MYO10: variants seen among roughly 807,000 people sequenced by gnomAD.
The protein encoded by MYO10 is myosin X, also known as unconventional myosin-X.
Under a neutral mutation model 257.3 loss-of-function variants are expected in MYO10, and 133 were observed. That is an observed-to-expected ratio of 0.52 (90% confidence interval 0.45 to 0.60). The LOEUF (loss-of-function observed/expected upper bound fraction) is 0.60, where lower values mean the gene tolerates loss of function less well. Ranked by LOEUF, MYO10 falls within the 20% of genes least tolerant of loss-of-function variation. MYO10 has a pLI of 0.00. For missense variants in MYO10, 2,399 were observed against 2,635.7 expected (o/e 0.91, Z 1.97); for synonymous variants, 1,104 against 1,028.6 (o/e 1.07, Z -1.40).
intron 16 of MYO10, 110 bp from the exon 17 acceptor site, chr5:16,761,656 A>G: frequency 1.2e-6 from 1 of 851,226 alleles, no homozygotes; most frequent in Non-Finnish European, 1.9e-6. Flanking sequence ...AAATTTATTT[A>G]TTTATTTTTT....
intron 2 of MYO10, among the ~76,000 whole-genome samples, chr5:16,834,762 A>C (rs1743261874): frequency 1.3e-5 from 2 of 152,258 alleles, no homozygotes; most frequent in Non-Finnish European, 2.9e-5. Flanking sequence ...ATTCAAACCA[A>C]ATATGAATAC....
At chr5:16,766,989 T>C (rs1383422978) in intron 10 of MYO10, among the ~76,000 whole-genome samples, 2 of 151,616 alleles carry the variant, frequency 1.3e-5, no homozygotes, top group South Asian at 2.1e-4. Flanking sequence ...CCTCCCAAAA[T>C]GTTGGGATTA....
intron 19 of MYO10, among the ~76,000 whole-genome samples, chr5:16,745,430 A>C (rs1397009657): frequency 1.3e-5 from 2 of 152,222 alleles, no homozygotes; most frequent in African/African-American, 4.8e-5. Context: ...TCACATCTGT[A>C]ATCCCAGCAC....
chr5:16,830,574 T>C (rs1325174250), intron 2 of MYO10, among the ~76,000 whole-genome samples: 2 of 152,138 alleles, frequency 1.3e-5, no homozygotes, highest in East Asian at 3.9e-4. Flanking sequence ...AAACAATCAC[T>C]GTATAAAAAT....
chr5:16,718,134 T>C (rs1718512397), intron 19 of MYO10, among the ~76,000 whole-genome samples: 3 of 152,326 alleles, frequency 2.0e-5, no homozygotes, highest in Middle Eastern at 3.4e-3. Context: ...CCCCAGGCAG[T>C]GCCAGCCCAC....
chr5:16,672,420 AAG>A (rs869063256), intron 37 of MYO10, among the ~76,000 whole-genome samples: 1 of 74,824 alleles, frequency 1.3e-5, no homozygotes, highest in Non-Finnish European at 3.4e-5. Flanking sequence ...CTAAAAAATC[AAG>A]AAATACCCAG....
At chr5:16,741,718 G>A (rs1278029515) in intron 19 of MYO10, 1 of 869,816 alleles carries the variant, frequency 1.1e-6, no homozygotes, top group Non-Finnish European at 1.4e-6. Context: ...TGTTCCCCGT[G>A]TATGATCTCT....
At chr5:16,916,817 C>T (rs1338509846) in intron 1 of MYO10, among the ~76,000 whole-genome samples, 1 of 152,172 alleles carries the variant, frequency 6.6e-6, no homozygotes, top group Non-Finnish European at 1.5e-5. Flanking sequence ...TAAAGGTTCA[C>T]GTACCCCATT....
Position 16,701,945 on chromosome 5 carries a change from G to T in MYO10, c.2557-107C>A. The T allele has an allele frequency of 7.6e-7, 1 of 1,316,126 alleles. No individual in the cohort carries two copies. The highest frequency in any genetic ancestry group is 1.0e-6 in the Non-Finnish European group (1 of 977,632). 81.5% of individuals were successfully genotyped at this position (1,316,126 alleles called of 1,614,324 possible). The stretch of plus-strand genomic sequence containing the variant: ...ATATGGTCATTATGAGTTGGACTGT[G>T]TCCCCATAAAGTCTATAGGTTGAAG... On this transcript the variant is annotated intron_variant, in intron 24 of 40. Transcript: ENST00000513610. The surrounding 1 kb of genome is among the most constrained non-coding windows in gnomAD (Gnocchi z 8.1).
Position 16,666,560 on chromosome 5 carries a change from C to T in MYO10, c.*132G>A. On this transcript the variant is annotated 3_prime_UTR_variant, in exon 41 of 41. Coordinates refer to ENST00000513610, the MANE Select transcript of MYO10 (RefSeq NM_012334.3). ...GCAAAAGGATCCTCGGAGACACCTC[C>T]CTCAGACCAGAAGCTTCCAGAAAGC... is the stretch of plus-strand genomic sequence containing the variant. The T allele has an allele frequency of 1.4e-6, 1 of 694,498 alleles. No individual in the cohort carries two copies. The allele number at this position is 694,498 out of a possible 1,614,324, so 43.0% of individuals were successfully genotyped here.
chr5:16,716,637 C>A (rs916253868), intron 19 of MYO10, among the ~76,000 whole-genome samples: 1 of 151,590 alleles, frequency 6.6e-6, no homozygotes, highest in African/African-American at 2.4e-5. Flanking sequence ...TGTTTTTCAG[C>A]ATTTGAGAAA....
At chr5:16,773,422 C>A (rs1741115541) in intron 9 of MYO10, among the ~76,000 whole-genome samples, 1 of 152,078 alleles carries the variant, frequency 6.6e-6, no homozygotes, top group Non-Finnish European at 1.5e-5. Context: ...AAGTTTTCTT[C>A]ATCTATGACA....
chr5:16,761,394 G>T (rs1740709032), intron 17 of MYO10, 70 bp downstream of exon 17: 3 of 1,230,826 alleles, frequency 2.4e-6, no homozygotes, highest in Non-Finnish European at 3.6e-6. Flanking sequence ...TTCTATATTT[G>T]TGAATTAAAA....
intron 19 of MYO10, among the ~76,000 whole-genome samples, chr5:16,731,076 C>T (rs577539792): frequency 1.3e-5 from 2 of 148,802 alleles, no homozygotes; most frequent in African/African-American, 2.5e-5. Flanking sequence ...GACTGAGTCT[C>T]GCTCTGTCGC....
rs7710976 is a variant in MYO10 at position 16,877,592 on chromosome 5, C to G, written c.120+17G>C. On this transcript the variant is annotated intron_variant, in intron 2 of 40. Transcript: ENST00000513610. Reference sequence around the variant, plus strand: ...GCAGACCATGGATGTTGGGAAGCTGCAGGGACTTGTTCTCACCTGACCATA... The same window carrying G: ...GCAGACCATGGATGTTGGGAAGCTGGAGGGACTTGTTCTCACCTGACCATA... 0.37 allele frequency: 595,617 copies of G among 1,593,070 alleles called. 114,833 individuals carry two copies. Among genetic ancestry groups the G allele is most frequent in the Non-Finnish European group, 0.4 (465,074 of 1,162,148 alleles).
intron 1 of MYO10, among the ~76,000 whole-genome samples, chr5:16,888,024 T>C (rs1312720549): frequency 6.6e-6 from 1 of 152,222 alleles, no homozygotes; most frequent in Non-Finnish European, 1.5e-5. Context: ...CATCATTATG[T>C]AGCCAACACA....
chr5:16,700,876 C>A (rs1195134912), intron 25 of MYO10, 87 bp downstream of exon 25: 23 of 1,362,636 alleles, frequency 1.7e-5, no homozygotes, highest in Non-Finnish European at 2.2e-5. Flanking sequence ...AGATATCCTA[C>A]GGGTATCTTC....
intron 19 of MYO10, among the ~76,000 whole-genome samples, chr5:16,748,684 C>A (rs953821776): frequency 5.9e-5 from 9 of 151,908 alleles, no homozygotes; most frequent in Non-Finnish European, 1.0e-4. Context: ...ATATAAATCC[C>A]CGGGAGGAAA....
intron 27 of MYO10, among the ~76,000 whole-genome samples, chr5:16,693,499 GACTTTCTTCTCCTCATTTAACTTTCC>G (rs1274967743): frequency 6.6e-6 from 1 of 152,174 alleles, no homozygotes; most frequent in Non-Finnish European, 1.5e-5. Flanking sequence ...ATACATAAAA[GACTTTCTTCTCCTCATTTAACTTTCC>G]ACTTTACAAT....
Sources: gnomAD v4.1 joint callset for allele counts (sites outside exome capture counted in the v4.1 genomes callset) on GRCh38, gnomAD v4.1.1 for gene constraint, Gnocchi (gnomAD v3.1) non-coding constraint, MANE v1.5 for transcripts, NCBI Gene and HGNC (gene_info 2026-07-23, HGNC 2026-07-21) for gene names.